Variants in UBR1 observed in about 807,000 individuals in gnomAD.
UBR1 encodes the protein E3 ubiquitin-protein ligase UBR1.
A neutral mutation model predicts 242.1 loss-of-function variants in UBR1; 102 were observed. The ratio of observed to expected loss-of-function variants is 0.42; its 90% CI spans 0.36 to 0.50. The LOEUF (loss-of-function observed/expected upper bound fraction) is 0.50. Among genes scored for constraint, UBR1 ranks in the 20% least tolerant of loss-of-function variants. UBR1 has a pLI of 0.01. For synonymous variants in UBR1, 675 were observed against 684.8 expected, an observed-to-expected ratio of 0.99 and a Z score of 0.22; for missense variants, 1,772 against 2,101.8, an observed-to-expected ratio of 0.84 and a Z score of 3.07.
In UBR1 at chr15:43,055,398, G is replaced by A. The variant is rs150554731; in HGVS notation, c.1282-499C>T. Reference sequence around the variant, plus strand: ...GCGGAGGTTGCAGTGAGCCGAGATCGTGCTACTACACCCCAGCCTGAGTGA... The same window carrying A: ...GCGGAGGTTGCAGTGAGCCGAGATCATGCTACTACACCCCAGCCTGAGTGA... On this transcript the variant is annotated intron_variant, in intron 11 of 46. Coordinates refer to ENST00000290650, the MANE Select transcript of UBR1 (RefSeq NM_174916.3). Among the ~76,000 whole-genome samples, 743 of 152,036 alleles carry A rather than the reference G, an allele frequency of 4.9e-3. 7 individuals carry two copies. Among genetic ancestry groups the A allele is most frequent in the African/African-American group, 0.017 (713 of 41,458 alleles).
intron 46 of UBR1, among the ~76,000 whole-genome samples, chr15:42,948,674 T>G (rs2031778009): frequency 1.3e-5 from 2 of 151,772 alleles, no homozygotes; most frequent in Non-Finnish European, 2.9e-5. Flanking sequence ...AAAAAACACA[T>G]GAAAAAATAC....
chr15:43,013,048 T>G (rs895549724), intron 29 of UBR1, among the ~76,000 whole-genome samples: 41 of 152,270 alleles, frequency 2.7e-4, no homozygotes, highest in African/African-American at 9.6e-4. Flanking sequence ...TGGGACTAAA[T>G]GCACGCGTCA....
intron 20 of UBR1, among the ~76,000 whole-genome samples, chr15:43,030,501 T>C (rs1219602499): frequency 1.3e-5 from 2 of 152,204 alleles, no homozygotes; most frequent in African/African-American, 4.8e-5. Context: ...TCTCTACTTG[T>C]TATTTAACAA....
At chr15:43,077,465 G>A (rs983401336) in intron 3 of UBR1, among the ~76,000 whole-genome samples, 6 of 151,492 alleles carry the variant, frequency 4.0e-5, no homozygotes, top group Admixed American at 6.6e-5. Flanking sequence ...CTCGTTAAGA[G>A]TCATCACCAC....
intron 29 of UBR1, among the ~76,000 whole-genome samples, chr15:43,010,152 G>A (rs562015429): frequency 1.3e-5 from 2 of 152,320 alleles, no homozygotes; most frequent in South Asian, 2.1e-4. Flanking sequence ...GATTACAGGC[G>A]TAAGCCACTG....
At chr15:42,985,123 A>G (rs1190669377) in intron 35 of UBR1, among the ~76,000 whole-genome samples, 181 bp from the exon 36 acceptor site, 1 of 152,158 alleles carries the variant, frequency 6.6e-6, no homozygotes, top group African/African-American at 2.4e-5. Flanking sequence ...AGAGAAAATT[A>G]GAGAATCAAA....
At chr15:43,104,111 G>T (rs976729590) in intron 1 of UBR1, among the ~76,000 whole-genome samples, 2 of 152,022 alleles carry the variant, frequency 1.3e-5, no homozygotes, top group Non-Finnish European at 2.9e-5. Context: ...GTTCCTTGAG[G>T]CTATATTACA....
intron 29 of UBR1, among the ~76,000 whole-genome samples, chr15:43,014,135 C>T (rs1342763217): frequency 3.3e-5 from 5 of 152,262 alleles, no homozygotes; most frequent in East Asian, 1.9e-4. Flanking sequence ...CCGCCAGCCT[C>T]GGCCTCCCGA....
At chr15:43,005,694 T>C (rs1289576004) in intron 30 of UBR1, among the ~76,000 whole-genome samples, 1 of 152,214 alleles carries the variant, frequency 6.6e-6, no homozygotes, top group Non-Finnish European at 1.5e-5. Flanking sequence ...TGTTACTGTG[T>C]CTGTGTAGAA....
chr15:42,978,625 C>T (rs2032325444), intron 37 of UBR1, among the ~76,000 whole-genome samples: 1 of 152,060 alleles, frequency 6.6e-6, no homozygotes, highest in South Asian at 2.1e-4. Flanking sequence ...GGTATTGGTT[C>T]TGAACTCTGG....
intron 1 of UBR1, among the ~76,000 whole-genome samples, chr15:43,101,512 A>C (rs2034234384): frequency 6.6e-6 from 1 of 152,098 alleles, no homozygotes; most frequent in Non-Finnish European, 1.5e-5. Flanking sequence ...CCTCTCCTAA[A>C]ATCTTGTCTT....
At chr15:43,036,083 A>T (rs1567132872) in intron 19 of UBR1, 95 bp downstream of exon 19, 7 of 1,161,466 alleles carry the variant, frequency 6.0e-6, no homozygotes, top group Admixed American at 1.8e-5. Flanking sequence ...GTATAATTTT[A>T]AAAAATATGG....
chr15:43,101,794 CCT>C (rs1319721686), intron 1 of UBR1, among the ~76,000 whole-genome samples: 1 of 151,796 alleles, frequency 6.6e-6, no homozygotes, highest in Non-Finnish European at 1.5e-5. Flanking sequence ...TGGTGAAACC[CCT>C]CTCTTTACTA....
At chr15:43,102,099 C>T (rs563617254) in intron 1 of UBR1, among the ~76,000 whole-genome samples, 1 of 151,924 alleles carries the variant, frequency 6.6e-6, no homozygotes, top group Admixed American at 6.6e-5. Flanking sequence ...GAGATCATAC[C>T]GCTGGAAACA....
chr15:43,096,342 G>C (rs1596142913), intron 1 of UBR1, among the ~76,000 whole-genome samples: 1 of 151,718 alleles, frequency 6.6e-6, no homozygotes, highest in African/African-American at 2.4e-5. Flanking sequence ...TTGTATTTTT[G>C]GTAGAGATGG....
chr15:43,078,141 C>T (rs1463647048), intron 3 of UBR1, among the ~76,000 whole-genome samples: 3 of 152,084 alleles, frequency 2.0e-5, no homozygotes, highest in Admixed American at 1.3e-4. Flanking sequence ...AAGTCACCCC[C>T]AAAAGAGAAA....
intron 20 of UBR1, among the ~76,000 whole-genome samples, chr15:43,032,348 A>C (rs1259195632): frequency 6.6e-6 from 1 of 152,168 alleles, no homozygotes; most frequent in African/African-American, 2.4e-5. Context: ...TAGACCTATA[A>C]TATATATAAA....
chr15:43,032,505 T>A, intron 20 of UBR1, 63 bp downstream of exon 20: 1 of 1,134,618 alleles, frequency 8.8e-7, no homozygotes, highest in Non-Finnish European at 1.3e-6. Flanking sequence ...TTATAGTTCA[T>A]ATAAATGGTC....
chr15:43,017,023 TC>T (rs1304049374), intron 28 of UBR1, 71 bp downstream of exon 28: 3 of 1,217,520 alleles, frequency 2.5e-6, no homozygotes, highest in Non-Finnish European at 2.4e-6. Flanking sequence ...AAGCAGTAGC[TC>T]CCTTATACCA....
Sources: gnomAD v4.1 joint callset for allele counts (sites outside exome capture counted in the v4.1 genomes callset) on GRCh38, gnomAD v4.1.1 for gene constraint, MANE v1.5 for transcripts, NCBI Gene and HGNC (gene_info 2026-07-23, HGNC 2026-07-21) for gene names.